RERG: variants seen among roughly 807,000 people sequenced by gnomAD.
The protein encoded by RERG is ras-related and estrogen-regulated growth inhibitor.
A neutral mutation model predicts 23.2 loss-of-function variants in RERG; 25 were observed. The observed-to-expected ratio is 1.08, with a 90% CI of 0.79 to 1.50. The LOEUF (loss-of-function observed/expected upper bound fraction) is 1.50. Ranked by LOEUF, RERG falls within the 40% of genes most tolerant of loss-of-function variation. The pLI, the probability that RERG is intolerant of heterozygous loss-of-function variation, is 0.00. For synonymous variants in RERG, 81 were observed against 89.1 expected (o/e 0.91, Z 0.51); for missense variants, 253 against 250.1 (o/e 1.01, Z -0.08).
Position 15,108,216 on chromosome 12 carries a change from A to G in RERG, c.*894T>C, listed in dbSNP as rs1416557429. 2 of 152,226 alleles carry G rather than the reference A, an allele frequency of 1.3e-5. No individual in the cohort carries two copies. The highest frequency in any genetic ancestry group is 2.9e-5 in the Non-Finnish European group (2 of 68,026). The allele number at this position is 152,226 out of a possible 1,614,324, so 9.4% of individuals were successfully genotyped here. Reference sequence around the variant, plus strand: ...TCTTACTGTACCTGGCTCAAAGTCTAGACTTCCCAATGGAGGCATGGTTAA... The same window carrying G: ...TCTTACTGTACCTGGCTCAAAGTCTGGACTTCCCAATGGAGGCATGGTTAA... On this transcript the variant is annotated 3_prime_UTR_variant, in exon 5 of 5. Coordinates refer to ENST00000256953, the MANE Select transcript of RERG (RefSeq NM_032918.3).
At chr12:15,184,925 T>C (rs1338963150) in intron 2 of RERG, among the ~76,000 whole-genome samples, 2 of 152,144 alleles carry the variant, frequency 1.3e-5, no homozygotes, top group Admixed American at 6.6e-5. Flanking sequence ...TATTTTCCCT[T>C]AACCTAATAA....
intron 3 of RERG, among the ~76,000 whole-genome samples, chr12:15,115,675 G>A (rs1863706260): frequency 6.6e-6 from 1 of 152,098 alleles, no homozygotes; most frequent in African/African-American, 2.4e-5. Context: ...TGTCATGGGG[G>A]TAGCCTGTAA....
intron 2 of RERG, among the ~76,000 whole-genome samples, chr12:15,126,330 T>C (rs949836952): frequency 6.6e-6 from 1 of 151,906 alleles, no homozygotes; most frequent in Admixed American, 6.6e-5. Flanking sequence ...ACATTTATTA[T>C]CCTCTTTTAT....
chr12:15,109,574 T>C, intron 4 of RERG, 57 bp from the exon 5 acceptor site: 1 of 1,341,848 alleles, frequency 7.5e-7, no homozygotes. Context: ...AATATATGGA[T>C]GCTGGTAATG....
chr12:15,205,104 T>C (rs780065398), intron 2 of RERG, among the ~76,000 whole-genome samples: 20 of 152,090 alleles, frequency 1.3e-4, no homozygotes, highest in Non-Finnish European at 2.4e-4. Context: ...ATTATTTCAA[T>C]ATAAAAAGTT....
intron 2 of RERG, among the ~76,000 whole-genome samples, chr12:15,156,717 G>A (rs764540724): frequency 2.0e-5 from 3 of 152,026 alleles, no homozygotes; most frequent in Admixed American, 6.5e-5. Context: ...ATTGCTTTGC[G>A]AGTCCTCAGG....
intron 2 of RERG, among the ~76,000 whole-genome samples, chr12:15,139,387 A>C (rs1008993285): frequency 5.3e-5 from 8 of 152,018 alleles, no homozygotes; most frequent in African/African-American, 1.9e-4. Context: ...CTTGAATTGG[A>C]TTGAATCTAT....
In RERG at chr12:15,131,165, GT is replaced by G. The variant is rs149155879; in HGVS notation, c.62-10047del. The stretch of plus-strand genomic sequence containing the variant: ...TTTTGCTGAAGAATTTAAATTGAAA[GT>G]AAAAACAAGAGAAAATAAATTTGGA... On this transcript the variant is annotated intron_variant, in intron 2 of 4. Transcript: ENST00000256953. 6.3e-3 allele frequency among the ~76,000 whole-genome samples: 963 copies of G among 152,040 alleles called. 10 individuals are homozygous for G. Among genetic ancestry groups the G allele is most frequent in the African/African-American group, 0.022 (921 of 41,490 alleles).
At chr12:15,208,076 C>A (rs1340940500) in intron 2 of RERG, among the ~76,000 whole-genome samples, 25 of 152,090 alleles carry the variant, frequency 1.6e-4, no homozygotes. Flanking sequence ...TGGGCCTCAT[C>A]CAATTCTTGG....
At chr12:15,179,575 C>G (rs1010266579) in intron 2 of RERG, among the ~76,000 whole-genome samples, 1 of 152,202 alleles carries the variant, frequency 6.6e-6, no homozygotes, top group African/African-American at 2.4e-5. Flanking sequence ...ATTGTATTAT[C>G]TTCCATGTTT....
At chr12:15,115,153 A>G (rs1863696616) in intron 3 of RERG, among the ~76,000 whole-genome samples, 1 of 151,956 alleles carries the variant, frequency 6.6e-6, no homozygotes, top group Non-Finnish European at 1.5e-5. Flanking sequence ...TACACAGAAC[A>G]CTATTTTTCC....
chr12:15,134,484 C>A (rs768475969), intron 2 of RERG, among the ~76,000 whole-genome samples: 10 of 151,976 alleles, frequency 6.6e-5, no homozygotes, highest in Admixed American at 3.9e-4. Context: ...ATTTTTTCAC[C>A]GATATTATAC....
intron 1 of RERG, among the ~76,000 whole-genome samples, chr12:15,219,629 T>C (rs967005631): frequency 6.6e-6 from 1 of 152,230 alleles, no homozygotes; most frequent in African/African-American, 2.4e-5. Flanking sequence ...CACAGAAACA[T>C]AATATGTGGA....
chr12:15,196,271 C>T (rs1352897733), intron 2 of RERG, among the ~76,000 whole-genome samples: 1 of 152,132 alleles, frequency 6.6e-6, no homozygotes, highest in East Asian at 1.9e-4. Context: ...AGTATGGATG[C>T]AGCTCTATGG....
At chr12:15,126,724 C>CTTTTTTTTT (rs71042228) in intron 2 of RERG, among the ~76,000 whole-genome samples, 43 of 132,458 alleles carry the variant, frequency 3.2e-4, no homozygotes, top group Non-Finnish European at 5.3e-4. Context: ...CTTTTTCTTT[C>CTTTTTTTTT]TTTTTTTTTT....
intron 2 of RERG, among the ~76,000 whole-genome samples, chr12:15,185,615 GA>G (rs992330853): frequency 4.6e-5 from 7 of 152,036 alleles, no homozygotes; most frequent in African/African-American, 1.7e-4. Flanking sequence ...CTCTCTGGGG[GA>G]AAATAATTAT....
At chr12:15,117,402 C>T (rs1384110874) in intron 3 of RERG, among the ~76,000 whole-genome samples, 1 of 152,096 alleles carries the variant, frequency 6.6e-6, no homozygotes, top group African/African-American at 2.4e-5. Context: ...GTTGGCTAAG[C>T]ACTTCTGCTT....
At chr12:15,184,345 A>G (rs536107248) in intron 2 of RERG, among the ~76,000 whole-genome samples, 4 of 152,336 alleles carry the variant, frequency 2.6e-5, no homozygotes, top group African/African-American at 7.2e-5. Flanking sequence ...TCCTTTGTAT[A>G]TGAGAGCAGT....
At position 15,199,401 on chromosome 12, in the gene RERG, T is replaced by C. The variant is rs976435157; in HGVS notation, c.61+18028A>G. 2.6e-5 allele frequency among the ~76,000 whole-genome samples: 4 copies of C among 152,228 alleles called. No homozygotes were observed. The East Asian group carries it at 5.8e-4, about 22-fold the overall frequency. On this transcript the variant is annotated intron_variant, in intron 2 of 4. Coordinates refer to ENST00000256953, the MANE Select transcript of RERG (RefSeq NM_032918.3). ...TTTTTTGTTTTTTGTTTTCTGCAAG[T>C]TCCCATATGTCTACTGTATGTCATT...
Sources: allele counts gnomAD v4.1 joint callset (sites outside exome capture counted in the v4.1 genomes callset), GRCh38; gene constraint gnomAD v4.1.1; transcripts MANE v1.5; gene names NCBI Gene and HGNC (gene_info 2026-07-23, HGNC 2026-07-21).